Variants in HTT observed in about 807,000 individuals in gnomAD.
HTT encodes huntingtin.
HTT carries 104 observed loss-of-function variants against 362.3 expected under a neutral mutation model. The observed-to-expected ratio is 0.29, with a 90% CI of 0.24 to 0.34. The LOEUF is 0.34. HTT is among the 10% of genes least tolerant of loss of function. The pLI, the probability that HTT is intolerant of heterozygous loss-of-function variation, is 1.00. For synonymous variants in HTT, 1,577 were observed against 1,548.7 expected (o/e 1.02, Z -0.43); for missense variants, 3,301 against 3,928.6 (o/e 0.84, Z 4.27).
At chr4:3,173,745 T>C (rs1045243852) in intron 31 of HTT, among the ~76,000 whole-genome samples, 1 of 151,866 alleles carries the variant, frequency 6.6e-6, no homozygotes, top group Non-Finnish European at 1.5e-5. Context: ...CTCAGCTCAC[T>C]GCAAGCTCTG....
intron 66 of HTT, among the ~76,000 whole-genome samples, chr4:3,239,594 G>C (rs1418119085): frequency 2.0e-5 from 3 of 152,238 alleles, no homozygotes; most frequent in Non-Finnish European, 4.4e-5. Context: ...GCGCTGCACA[G>C]GAGCCAGGCC....
intron 21 of HTT, among the ~76,000 whole-genome samples, chr4:3,138,684 G>A (rs1716199193): frequency 1.3e-5 from 2 of 152,122 alleles, no homozygotes; most frequent in Non-Finnish European, 2.9e-5. Context: ...TGCGATCTCG[G>A]CTCACTGCAG....
chr4:3,195,647 A>G (rs1290997820), intron 40 of HTT, among the ~76,000 whole-genome samples: 7 of 151,752 alleles, frequency 4.6e-5, no homozygotes. Flanking sequence ...TTGTTAGGTA[A>G]TGGTAGCTAC....
rs1339875372 is a variant in HTT at position 3,239,932 on chromosome 4, A to G, written c.9302A>G (p.His3101Arg). 6.3e-7 allele frequency: 1 copy of G among 1,581,344 alleles called. No homozygotes were observed. Among genetic ancestry groups the G allele is most frequent in the Admixed American group, 1.8e-5 (1 of 55,068 alleles). The change falls in exon 67 of 67, where the codon CAC becomes CGC. Residue 3101 changes from histidine (H) to arginine (R), a missense_variant. This residue lies in a region of HTT where 753 missense variants were observed against 1,021.3 expected (regional missense o/e 0.74). Coordinates refer to ENST00000355072, the MANE Select transcript of HTT (RefSeq NM_001388492.1). ...CTGGTCGCCACAGACTTCTACAGAC[A>G]CCAGATAGAGGAGGAGCTCGACCGC... ...FCLVATDFYR[H>R]QIEEELDRRA...
chr4:3,075,652 G>T (rs1323869109), intron 1 of HTT, among the ~76,000 whole-genome samples: 11 of 143,206 alleles, frequency 7.7e-5, no homozygotes, highest in South Asian at 2.3e-4. Context: ...CGGGGCAGGG[G>T]GGGGGCGGGG....
chr4:3,137,654 G>A (rs922543033), intron 21 of HTT, among the ~76,000 whole-genome samples: 4 of 152,182 alleles, frequency 2.6e-5, no homozygotes, highest in Non-Finnish European at 5.9e-5. Context: ...AGCAGAGATC[G>A]CGCCACTGCC....
At chr4:3,192,740 A>C (rs1391632899) in intron 40 of HTT, among the ~76,000 whole-genome samples, 1 of 152,240 alleles carries the variant, frequency 6.6e-6, no homozygotes, top group Non-Finnish European at 1.5e-5. Flanking sequence ...GGATGGGAGC[A>C]GGGTGCTTTT....
intron 48 of HTT, 92 bp downstream of exon 48, chr4:3,212,234 GA>G (rs1180196540): frequency 3.1e-6 from 3 of 974,688 alleles, no homozygotes; most frequent in Non-Finnish European, 4.5e-6. Context: ...AAAGGCAGTG[GA>G]TCTAATACAT....
At chr4:3,209,252 G>A (rs1304367857) in intron 46 of HTT, among the ~76,000 whole-genome samples, 1 of 152,176 alleles carries the variant, frequency 6.6e-6, no homozygotes, top group African/African-American at 2.4e-5. Context: ...CTGGCCACCT[G>A]TGAGTTGCAC....
chr4:3,079,216 G>A (rs891538767), intron 1 of HTT, among the ~76,000 whole-genome samples: 11 of 151,394 alleles, frequency 7.3e-5, no homozygotes, highest in African/African-American at 9.7e-5. Flanking sequence ...TTTTAAATAC[G>A]GTGTTCAGGG....
rs375700974 is a variant in HTT at position 3,238,439 on chromosome 4, C to T, written c.8892-8C>T. On this transcript the variant is annotated splice_polypyrimidine_tract_variant and splice_region_variant and intron_variant, in intron 64 of 66. Coordinates refer to ENST00000355072, the MANE Select transcript of HTT (RefSeq NM_001388492.1). ...GTGCCAGTCTCTGACCTGCGTCCCT[C>T]CTCCCAGGATCAGGAAAGGCTTTCC... 1.6e-5 allele frequency: 25 copies of T among 1,604,070 alleles called. No homozygotes were observed. The highest frequency in any genetic ancestry group is 1.9e-5 in the Non-Finnish European group (22 of 1,174,702).
At chr4:3,195,656 A>G (rs1429221819) in intron 40 of HTT, among the ~76,000 whole-genome samples, 1 of 151,966 alleles carries the variant, frequency 6.6e-6, no homozygotes, top group Non-Finnish European at 1.5e-5. Context: ...AATGGTAGCT[A>G]CTGTAACAAA....
At chr4:3,194,312 C>T (rs894998928) in intron 40 of HTT, among the ~76,000 whole-genome samples, 8 of 152,248 alleles carry the variant, frequency 5.3e-5, no homozygotes, top group Admixed American at 5.2e-4. Context: ...AAGTGGTTTG[C>T]CTATTTCACA....
intron 54 of HTT, among the ~76,000 whole-genome samples, chr4:3,223,002 G>A (rs892947862): frequency 1.3e-5 from 2 of 152,292 alleles, no homozygotes; most frequent in South Asian, 4.1e-4. Context: ...AGAAGGTGTG[G>A]TTTGAACTCA....
intron 29 of HTT, among the ~76,000 whole-genome samples, chr4:3,171,578 A>G (rs946035136): frequency 6.6e-6 from 1 of 151,766 alleles, no homozygotes; most frequent in African/African-American, 2.4e-5. Flanking sequence ...CCCTGGTTCA[A>G]GCGATTCTCC....
At chr4:3,200,292 C>T (rs1719467787) in intron 41 of HTT, among the ~76,000 whole-genome samples, 1 of 152,152 alleles carries the variant, frequency 6.6e-6, no homozygotes, top group African/African-American at 2.4e-5. Context: ...AATGTCTTAA[C>T]CTCATTATAA....
intron 1 of HTT, among the ~76,000 whole-genome samples, chr4:3,077,052 C>T (rs1390773900): frequency 6.6e-6 from 1 of 151,970 alleles, no homozygotes; most frequent in Non-Finnish European, 1.5e-5. Flanking sequence ...GTGGCACGTG[C>T]CTGTAATCCA....
chr4:3,099,184 A>G, intron 2 of HTT, 90 bp from the exon 3 acceptor site: 1 of 823,502 alleles, frequency 1.2e-6, no homozygotes. Flanking sequence ...CTGTTCCAGA[A>G]TTCCATGCAG....
chr4:3,097,529 G>A (rs1713912713), intron 2 of HTT, among the ~76,000 whole-genome samples: 1 of 152,224 alleles, frequency 6.6e-6, no homozygotes, highest in Non-Finnish European at 1.5e-5. Flanking sequence ...CTACTTGGGA[G>A]GCTGAGGCAG....
Sources: gnomAD v4.1 joint callset for allele counts (sites outside exome capture counted in the v4.1 genomes callset) on GRCh38, gnomAD v4.1.1 for gene constraint, gnomAD v4.1.1 regional missense constraint, MANE v1.5 for transcripts, NCBI Gene and HGNC (gene_info 2026-07-23, HGNC 2026-07-21) for gene names.